The following MICU2 variants were observed in gnomAD, a reference collection of about 807,000 sequenced individuals.
MICU2 encodes calcium uptake protein 2, mitochondrial.
MICU2 carries 64 observed loss-of-function variants against 60.4 expected under a neutral mutation model. The ratio of observed to expected loss-of-function variants is 1.06; its 90% CI spans 0.87 to 1.31. The LOEUF (loss-of-function observed/expected upper bound fraction) is 1.31. Among genes scored for constraint, MICU2 ranks in the 50% most tolerant of loss-of-function variants. The pLI is 0.00. For synonymous variants in MICU2, 201 were observed against 175.0 expected (o/e 1.15, Z -1.17); for missense variants, 569 against 531.0 (o/e 1.07, Z -0.70).
intron 1 of MICU2, among the ~76,000 whole-genome samples, chr13:21,601,447 C>T (rs1012928746): frequency 1.3e-5 from 2 of 152,208 alleles, no homozygotes; most frequent in Middle Eastern, 6.8e-3. Flanking sequence ...AAATGCTATG[C>T]CAACAGACCT....
At chr13:21,551,096 C>T (rs980731897) in intron 2 of MICU2, among the ~76,000 whole-genome samples, 2 of 152,206 alleles carry the variant, frequency 1.3e-5, no homozygotes, top group African/African-American at 4.8e-5. Context: ...GGCTCAGCTT[C>T]CATGGTCAAC....
intron 2 of MICU2, among the ~76,000 whole-genome samples, chr13:21,561,867 C>A (rs1214828918): frequency 2.8e-4 from 28 of 99,582 alleles, no homozygotes; most frequent in Non-Finnish European, 5.0e-4. Context: ...CCCCCTCCCC[C>A]CACCCCACAA....
chr13:21,564,421 G>T (rs1887925425), intron 2 of MICU2, among the ~76,000 whole-genome samples: 1 of 152,104 alleles, frequency 6.6e-6, no homozygotes, highest in Non-Finnish European at 1.5e-5. Flanking sequence ...AATCTAAGAG[G>T]TAAGTTCTTT....
chr13:21,551,951 T>C (rs1032386694), intron 2 of MICU2, among the ~76,000 whole-genome samples: 3 of 152,130 alleles, frequency 2.0e-5, no homozygotes, highest in Non-Finnish European at 4.4e-5. Context: ...ATATGCCCAG[T>C]AATGGGATGG....
rs71093338 is a variant in MICU2, at chr13:21,593,571, C to CAAA, written c.210+10365_210+10367dup. On this transcript the variant is annotated intron_variant, in intron 1 of 11. Transcript: ENST00000382374. Reference sequence around the variant, plus strand: ...CCCATATTGCAAAGACAATCCTAAGCAAAAAAAAAAAAAAAAAAAAAAACA... The same window carrying CAAA: ...CCCATATTGCAAAGACAATCCTAAGCAAAAAAAAAAAAAAAAAAAAAAAAAACA... Among the ~76,000 whole-genome samples, 416 of 63,020 alleles carry CAAA rather than the reference C, an allele frequency of 6.6e-3. 37 individuals are homozygous for CAAA. Among genetic ancestry groups the CAAA allele is most frequent in the Non-Finnish European group, 7.9e-3 (295 of 37,348 alleles). 41.3% of individuals were successfully genotyped at this position (63,020 alleles called of 152,430 possible). A position where few individuals can be genotyped will look rare whatever the true frequency, so the allele number is the denominator to read the frequency against.
chr13:21,538,746 G>T (rs1887200883), intron 4 of MICU2, among the ~76,000 whole-genome samples: 1 of 152,042 alleles, frequency 6.6e-6, no homozygotes, highest in Non-Finnish European at 1.5e-5. Context: ...TTTATATCAG[G>T]ATCTTGAGCA....
chr13:21,587,209 T>G (rs1888478987), intron 1 of MICU2, among the ~76,000 whole-genome samples: 1 of 151,930 alleles, frequency 6.6e-6, no homozygotes, highest in African/African-American at 2.4e-5. Flanking sequence ...ATGGACTCTT[T>G]GAGTAAAATG....
intron 1 of MICU2, among the ~76,000 whole-genome samples, chr13:21,574,315 AT>A (rs760589921): frequency 4.6e-5 from 7 of 152,326 alleles, no homozygotes; most frequent in Admixed American, 2.0e-4. Flanking sequence ...AAATGCTGGG[AT>A]TTGGGGCTAT....
chr13:21,497,816 A>C (rs1373075957), intron 9 of MICU2, among the ~76,000 whole-genome samples: 1 of 152,200 alleles, frequency 6.6e-6, no homozygotes, highest in Non-Finnish European at 1.5e-5. Flanking sequence ...AGTCCAGATC[A>C]CAGCTCACTG....
At chr13:21,501,239 A>G (rs1886142773) in intron 9 of MICU2, among the ~76,000 whole-genome samples, 1 of 152,124 alleles carries the variant, frequency 6.6e-6, no homozygotes, top group Admixed American at 6.5e-5. Context: ...AATATATTTT[A>G]ATATGTTGAC....
chr13:21,527,092 G>T (rs887833996), intron 4 of MICU2, among the ~76,000 whole-genome samples: 2 of 152,072 alleles, frequency 1.3e-5, no homozygotes, highest in Non-Finnish European at 2.9e-5. Context: ...TTTGGAGCAG[G>T]TGTACTTTTC....
At chr13:21,529,891 G>C (rs1237403097) in intron 4 of MICU2, among the ~76,000 whole-genome samples, 1 of 152,154 alleles carries the variant, frequency 6.6e-6, no homozygotes, top group Non-Finnish European at 1.5e-5. Context: ...ATGTGTTGGA[G>C]GGATGGAGAA....
At chr13:21,571,953 T>C (rs966551996) in intron 1 of MICU2, among the ~76,000 whole-genome samples, 7 of 152,216 alleles carry the variant, frequency 4.6e-5, no homozygotes, top group Non-Finnish European at 8.8e-5. Flanking sequence ...TTTGTTAATC[T>C]ATAAAATAGC....
At chr13:21,601,513 T>G (rs976414398) in intron 1 of MICU2, among the ~76,000 whole-genome samples, 1 of 152,144 alleles carries the variant, frequency 6.6e-6, no homozygotes. Context: ...AGATTAAACT[T>G]ACAAAGCTGC....
chr13:21,596,216 C>T (rs1266964392), intron 1 of MICU2, among the ~76,000 whole-genome samples: 1 of 152,122 alleles, frequency 6.6e-6, no homozygotes, highest in Admixed American at 6.5e-5. Flanking sequence ...AGCACTTGTG[C>T]ATTTGCTAGG....
chr13:21,521,055 T>C (rs553244148), intron 6 of MICU2, among the ~76,000 whole-genome samples, 190 bp downstream of exon 6: 1 of 152,188 alleles, frequency 6.6e-6, no homozygotes, highest in Non-Finnish European at 1.5e-5. Flanking sequence ...TGGAATCTTA[T>C]GCTCTGTTCA....
chr13:21,499,403 G>A (rs199654901), intron 9 of MICU2, among the ~76,000 whole-genome samples: 5 of 151,910 alleles, frequency 3.3e-5, no homozygotes, highest in South Asian at 2.1e-4. Context: ...CGTTCTCCAT[G>A]GGTCTCACAT....
chr13:21,507,359 T>C (rs139576447), intron 8 of MICU2, among the ~76,000 whole-genome samples: 1 of 152,174 alleles, frequency 6.6e-6, no homozygotes, highest in African/African-American at 2.4e-5. Context: ...TCTCTGTGAA[T>C]ACAGTTTGAA....
intron 1 of MICU2, chr13:21,582,817 G>C (rs1888376207): frequency 6.5e-6 from 1 of 154,070 alleles, no homozygotes; most frequent in South Asian, 2.0e-4. Flanking sequence ...AGCAGCAGGG[G>C]CCACGTGCAT....
Sources: allele counts gnomAD v4.1 joint callset (sites outside exome capture counted in the v4.1 genomes callset), GRCh38; gene constraint gnomAD v4.1.1; transcripts MANE v1.5; gene names NCBI Gene and HGNC (gene_info 2026-07-23, HGNC 2026-07-21).